NCS1: variants seen among roughly 807,000 people sequenced by gnomAD.
NCS1 encodes the protein frequenin homolog.
A neutral mutation model predicts 28.4 loss-of-function variants in NCS1; 6 were observed. The observed-to-expected ratio is 0.21, with a 90% CI of 0.12 to 0.42. NCS1 has a LOEUF of 0.42. NCS1 is among the 10% of genes least tolerant of loss of function. The pLI is 1.00. For synonymous variants in NCS1, 86 were observed against 99.3 expected (o/e 0.87, Z 0.79); for missense variants, 131 against 241.4 (o/e 0.54, Z 3.03).
intron 4 of NCS1, among the ~76,000 whole-genome samples, chr9:130,220,368 C>T (rs1833259838): frequency 6.6e-6 from 1 of 152,084 alleles, no homozygotes; most frequent in Non-Finnish European, 1.5e-5. Flanking sequence ...TCAGGGCGAT[C>T]AGTCTAGAGT....
In NCS1 at chr9:130,233,967, C is replaced by T. The variant is rs577430379; in HGVS notation, c.*995C>T. 14 of 152,154 alleles carry T rather than the reference C, an allele frequency of 9.2e-5. No homozygotes were observed. Among genetic ancestry groups the T allele is most frequent in the Admixed American group, 2.0e-4 (3 of 15,280 alleles). 9.4% of individuals were successfully genotyped at this position (152,154 alleles called of 1,614,324 possible). ...TCCCCTGGGTCCGTAACATTTTTTCCGAGGATGAACAGGGGACATCTTTAG... is the reference window on the plus strand; with the variant it reads ...TCCCCTGGGTCCGTAACATTTTTTCTGAGGATGAACAGGGGACATCTTTAG... On this transcript the variant is annotated 3_prime_UTR_variant, in exon 8 of 8. Transcript: ENST00000372398. The surrounding 1 kb of genome is among the most constrained non-coding windows in gnomAD (Gnocchi z 4.8).
chr9:130,197,618 G>A (rs868996147), intron 1 of NCS1, among the ~76,000 whole-genome samples: 1 of 152,174 alleles, frequency 6.6e-6, no homozygotes, highest in Non-Finnish European at 1.5e-5. Context: ...CGGGAGGGCT[G>A]GGGGCAGGTG....
intron 2 of NCS1, among the ~76,000 whole-genome samples, chr9:130,217,347 A>C (rs1452496090): frequency 2.0e-5 from 3 of 152,194 alleles, no homozygotes; most frequent in African/African-American, 7.2e-5. Flanking sequence ...GGGTGTGGGC[A>C]TGTGGGAGGA....
chr9:130,203,809 C>T (rs1257165618), intron 2 of NCS1, among the ~76,000 whole-genome samples: 9 of 152,070 alleles, frequency 5.9e-5, no homozygotes, highest in African/African-American at 1.7e-4. Context: ...CCAGAGGAGA[C>T]GACCCCATCA....
At chr9:130,183,010 G>C (rs1832683930) in intron 1 of NCS1, among the ~76,000 whole-genome samples, 1 of 152,252 alleles carries the variant, frequency 6.6e-6, no homozygotes, top group Non-Finnish European at 1.5e-5. Flanking sequence ...TCTGTGGGGT[G>C]TGTGGCCCGG....
chr9:130,183,735 TCTTC>T (rs1554905385), intron 1 of NCS1, among the ~76,000 whole-genome samples: 2 of 138,110 alleles, frequency 1.4e-5, no homozygotes, highest in Admixed American at 7.6e-5. Context: ...TTTCTCTCTC[TCTTC>T]CTTCCTTCTT....
chr9:130,184,818 G>C (rs1444935780), intron 1 of NCS1, among the ~76,000 whole-genome samples: 1 of 150,604 alleles, frequency 6.6e-6, no homozygotes, highest in Non-Finnish European at 1.5e-5. Flanking sequence ...TATTTTAGTA[G>C]AGACAGGTTT....
rs782573207 is a variant in NCS1, at chr9:130,219,985, C to T, written c.307+182C>T. Among the ~76,000 whole-genome samples, 9 of 152,250 alleles carry T rather than the reference C, an allele frequency of 5.9e-5. No individual in the cohort carries two copies. Among genetic ancestry groups the T allele is most frequent in the Non-Finnish European group, 8.8e-5 (6 of 68,042 alleles). The stretch of plus-strand genomic sequence containing the variant: ...TGGGCAGGTGGCCCTCACACGGCCA[C>T]GTAACTAGGCCAGGCTGACTGTCCA... On this transcript the variant is annotated intron_variant, in intron 4 of 7. Transcript: ENST00000372398. This position sits in a 1 kb window ranked among gnomAD's most constrained non-coding sequence, Gnocchi z 5.7.
At chr9:130,182,741 C>T (rs1376918144) in intron 1 of NCS1, among the ~76,000 whole-genome samples, 2 of 152,242 alleles carry the variant, frequency 1.3e-5, no homozygotes, top group South Asian at 2.1e-4. Flanking sequence ...GAGCAACGTA[C>T]CGCCATCTTA....
At chr9:130,182,643 A>G (rs1275609487) in intron 1 of NCS1, among the ~76,000 whole-genome samples, 1 of 152,018 alleles carries the variant, frequency 6.6e-6, no homozygotes, top group Non-Finnish European at 1.5e-5. Flanking sequence ...CTCAGCCTCC[A>G]CCCACCCCAG....
chr9:130,210,173 G>T (rs1036398485), intron 2 of NCS1, among the ~76,000 whole-genome samples: 2 of 152,082 alleles, frequency 1.3e-5, no homozygotes, highest in Non-Finnish European at 2.9e-5. Context: ...GGTTGAGGCG[G>T]CCAGATCATG....
chr9:130,208,601 A>G (rs144569403), intron 2 of NCS1, among the ~76,000 whole-genome samples: 3 of 152,262 alleles, frequency 2.0e-5, no homozygotes, highest in Non-Finnish European at 4.4e-5. Context: ...TACTTTTATA[A>G]TAACCAAATA....
rs370084084 is a variant in NCS1 at position 130,221,377 on chromosome 9, CAT to C, written c.308-1237_308-1236del. Reference sequence around the variant, plus strand: ...AATATTTAATATATATATAAAATATCATATATATATATATATATATATATATA... The same window carrying C: ...AATATTTAATATATATATAAAATATCATATATATATATATATATATATATA... On this transcript the variant is annotated intron_variant, in intron 4 of 7. Transcript: ENST00000372398. Among the ~76,000 whole-genome samples, 419 of 84,562 alleles carry C rather than the reference CAT, an allele frequency of 5.0e-3. 1 individual carries two copies. Among genetic ancestry groups the C allele is most frequent in the Admixed American group, 6.4e-3 (41 of 6,442 alleles). 55.5% of individuals were successfully genotyped at this position (84,562 alleles called of 152,430 possible).
At chr9:130,202,579 GTTT>G (rs11329541) in intron 2 of NCS1, among the ~76,000 whole-genome samples, 20 of 122,646 alleles carry the variant, frequency 1.6e-4, no homozygotes, top group Non-Finnish European at 1.7e-4. Context: ...TCAAATCCAT[GTTT>G]TTTTTTTTTT....
intron 2 of NCS1, among the ~76,000 whole-genome samples, chr9:130,214,162 T>A (rs2131147428): frequency 6.6e-6 from 1 of 152,270 alleles, no homozygotes; most frequent in Middle Eastern, 3.4e-3. Flanking sequence ...ACATATGGTA[T>A]AGCGTGGTAC....
Position 130,181,963 on chromosome 9 carries a change from C to T in NCS1, c.64+9236C>T, listed in dbSNP as rs1442859903. On this transcript the variant is annotated intron_variant, in intron 1 of 7. Coordinates refer to ENST00000372398, the MANE Select transcript of NCS1 (RefSeq NM_014286.4). This position sits in a 1 kb window ranked among gnomAD's most constrained non-coding sequence, Gnocchi z 5.0. ...GCTGGGGAGGGAGGCACAGACAGGC[C>T]GGGAGCCGCGCCAAAGGCTGGGAGC... 4.0e-5 allele frequency among the ~76,000 whole-genome samples: 6 copies of T among 151,694 alleles called. No homozygotes were observed. The highest frequency in any genetic ancestry group is 2.1e-4 in the South Asian group (1 of 4,810).
Position 130,174,790 on chromosome 9 carries a change from C to CAAAAAAAAAAAAAAA in NCS1, c.64+2066_64+2080dup, listed in dbSNP as rs34473694. 6.7e-4 allele frequency among the ~76,000 whole-genome samples: 61 copies of CAAAAAAAAAAAAAAA among 91,534 alleles called. 1 individual carries two copies. Among genetic ancestry groups the CAAAAAAAAAAAAAAA allele is most frequent in the East Asian group, 3.4e-3 (6 of 1,770 alleles). 60.0% of individuals were successfully genotyped at this position (91,534 alleles called of 152,430 possible). On this transcript the variant is annotated intron_variant, in intron 1 of 7. Coordinates refer to ENST00000372398, the MANE Select transcript of NCS1 (RefSeq NM_014286.4). ...TGCTCCAAGAGGGAAACTCTGTCTC[C>CAAAAAAAAAAAAAAA]AAAAAAAAAAAAAAAAAGCTCTGCT...
At chr9:130,173,106 C>T (rs1375723351) in intron 1 of NCS1, among the ~76,000 whole-genome samples, 1 of 151,940 alleles carries the variant, frequency 6.6e-6, no homozygotes, top group Non-Finnish European at 1.5e-5. Context: ...CCGACTGGCA[C>T]GAGCGCGCGG....
At chr9:130,216,295 C>T (rs1183156393) in intron 2 of NCS1, among the ~76,000 whole-genome samples, 2 of 152,168 alleles carry the variant, frequency 1.3e-5, no homozygotes, top group African/African-American at 4.8e-5. Context: ...TGAAAGTCTT[C>T]GGTGATCTGG....
Sources: allele counts gnomAD v4.1 joint callset (sites outside exome capture counted in the v4.1 genomes callset), GRCh38; gene constraint gnomAD v4.1.1; non-coding constraint Gnocchi (gnomAD v3.1); transcripts MANE v1.5; gene names NCBI Gene and HGNC (gene_info 2026-07-23, HGNC 2026-07-21).